EVA1C: variants seen among roughly 807,000 people sequenced by gnomAD.
The protein encoded by EVA1C is protein eva-1 homolog C.
A neutral mutation model predicts 45.4 loss-of-function variants in EVA1C; 25 were observed. The observed-to-expected ratio is 0.55, with a 90% CI of 0.40 to 0.77. The LOEUF is 0.77. EVA1C is among the 30% of genes least tolerant of loss of function. The pLI, the probability that EVA1C is intolerant of heterozygous loss-of-function variation, is 0.00. For synonymous variants in EVA1C, 190 were observed against 221.2 expected (o/e 0.86, Z 1.25); for missense variants, 479 against 554.8 (o/e 0.86, Z 1.37).
intron 1 of EVA1C, among the ~76,000 whole-genome samples, chr21:32,419,590 C>T (rs952681072): frequency 1.3e-5 from 2 of 152,188 alleles, no homozygotes; most frequent in African/African-American, 4.8e-5. Flanking sequence ...TGGCATGCTC[C>T]TGTAATCCCA....
intron 3 of EVA1C, among the ~76,000 whole-genome samples, chr21:32,464,330 T>G (rs893085002): frequency 7.9e-5 from 12 of 152,282 alleles, no homozygotes; most frequent in Admixed American, 2.6e-4. Flanking sequence ...ATCTGTAGGC[T>G]GGCTTCTGCT....
chr21:32,476,231 C>G (rs970597634), intron 4 of EVA1C, among the ~76,000 whole-genome samples: 2 of 151,786 alleles, frequency 1.3e-5, no homozygotes, highest in Non-Finnish European at 2.9e-5. Context: ...GCTTTTTCTG[C>G]TGTAATTATC....
Position 32,514,843 on chromosome 21 carries a change from G to T in EVA1C, c.979G>T (p.Val327Leu). 1 of 1,591,106 alleles carries T rather than the reference G, an allele frequency of 6.3e-7. No individual in the cohort carries two copies. The highest frequency in any genetic ancestry group is 8.6e-7 in the Non-Finnish European group (1 of 1,166,588). ...CCCGGAGAGAGCTGCCCTGCTGTTC[G>T]TGTCCAGTGTCTGCATCGGCCTGGC... Reference protein sequence around the residue: ...AHPERAALLFVSSVCIGLALT... With the variant: ...AHPERAALLFLSSVCIGLALT... Residue 327 changes from valine to leucine, a missense_variant, in exon 8 of 8, where the codon GTG (valine) becomes TTG (leucine). This residue lies in a region of EVA1C where 366 missense variants were observed against 426.1 expected (regional missense o/e 0.86). Transcript: ENST00000300255.
rs199652494 is a variant in EVA1C at position 32,419,198 on chromosome 21, TA to T, written c.160+6192del. Among the ~76,000 whole-genome samples, 1,013 of 152,260 alleles carry T rather than the reference TA, an allele frequency of 6.7e-3. 10 individuals carry two copies. The highest frequency in any genetic ancestry group is 0.023 in the African/African-American group (961 of 41,542). ...TTGTTGCGTAGATGAGTTCATGAGTTAAAAAAATTTGGAGGTCACTGATCTT... is the reference window on the plus strand; with the variant it reads ...TTGTTGCGTAGATGAGTTCATGAGTTAAAAAATTTGGAGGTCACTGATCTT... On this transcript the variant is annotated intron_variant, in intron 1 of 7. Coordinates refer to ENST00000300255, the MANE Select transcript of EVA1C (RefSeq NM_058187.5).
chr21:32,422,111 G>A (rs1481077614), intron 1 of EVA1C, among the ~76,000 whole-genome samples: 2 of 149,334 alleles, frequency 1.3e-5, no homozygotes, highest in African/African-American at 2.5e-5. Flanking sequence ...ACATGAGAAA[G>A]GAACAAAAGG....
At chr21:32,479,354 C>T (rs562054244) in intron 4 of EVA1C, among the ~76,000 whole-genome samples, 75 of 152,172 alleles carry the variant, frequency 4.9e-4, no homozygotes, top group African/African-American at 1.8e-3. Context: ...ACCTGGGAGG[C>T]GGAGATTGCA....
At chr21:32,429,911 C>CT (rs895519785) in intron 1 of EVA1C, among the ~76,000 whole-genome samples, 56 of 151,896 alleles carry the variant, frequency 3.7e-4, no homozygotes, top group African/African-American at 1.3e-3. Flanking sequence ...TTTATGTTCT[C>CT]TTTTTTTTGC....
At chr21:32,485,585 A>G (rs955283372) in intron 4 of EVA1C, among the ~76,000 whole-genome samples, 6 of 152,148 alleles carry the variant, frequency 3.9e-5, no homozygotes, top group African/African-American at 1.4e-4. Flanking sequence ...CGGCTCCTCA[A>G]GCAGACTCAG....
intron 7 of EVA1C, among the ~76,000 whole-genome samples, chr21:32,511,208 G>T (rs1409196908): frequency 6.6e-6 from 1 of 152,090 alleles, no homozygotes; most frequent in Non-Finnish European, 1.5e-5. Context: ...CTGAGGTCAG[G>T]AGTTCAAGAC....
At chr21:32,421,607 T>C (rs1411842024) in intron 1 of EVA1C, among the ~76,000 whole-genome samples, 1 of 152,220 alleles carries the variant, frequency 6.6e-6, no homozygotes, top group African/African-American at 2.4e-5. Context: ...AACACACAGA[T>C]ACTGCCTTCA....
At chr21:32,500,190 A>ATT (rs538897939) in intron 5 of EVA1C, among the ~76,000 whole-genome samples, 6,947 of 90,918 alleles carry the variant, frequency 0.076, 675 homozygotes, top group East Asian at 0.11. Flanking sequence ...TAACCACCCT[A>ATT]TTTTTTTTTT....
Position 32,457,617 on chromosome 21 carries a change from G to A in EVA1C, c.378G>A (p.Gln126=). The change falls in exon 3 of 8, where the codon CAG becomes CAA. Residue 126 remains glutamine (Q), a synonymous_variant. Coordinates refer to ENST00000300255, the MANE Select transcript of EVA1C (RefSeq NM_058187.5). Reference sequence around the variant, plus strand: ...TCTAGAAGGTGCTGGACGAATGCCAGAACCAGCGGGCCTGCCACCTCCTGG... The same window carrying A: ...TCTAGAAGGTGCTGGACGAATGCCAAAACCAGCGGGCCTGCCACCTCCTGG... ...TTFQKVLDEC[Q]NQRACHLLVN... is the part of the protein sequence containing the mutation. The A allele has an allele frequency of 6.2e-7, 1 of 1,614,184 alleles. No individual in the cohort carries two copies.
At chr21:32,456,806 C>T (rs921254221) in intron 2 of EVA1C, among the ~76,000 whole-genome samples, 6 of 152,134 alleles carry the variant, frequency 3.9e-5, no homozygotes, top group Non-Finnish European at 8.8e-5. Flanking sequence ...ACCTAGAGAA[C>T]AGCAGCAAAA....
intron 1 of EVA1C, among the ~76,000 whole-genome samples, chr21:32,443,018 G>GAGGGAAGGAAGGAGGA (rs2035236555): frequency 7.4e-6 from 1 of 135,148 alleles, no homozygotes; most frequent in South Asian, 2.8e-4. Context: ...GGGAGGGAGG[G>GAGGGAAGGAAGGAGGA]AGGGAAGGAA....
intron 6 of EVA1C, 62 bp downstream of exon 6, chr21:32,501,557 A>G: frequency 1.3e-6 from 2 of 1,579,906 alleles, no homozygotes; most frequent in East Asian, 2.2e-5. Flanking sequence ...CCCCTGGGTG[A>G]CCACAGTTGG....
intron 4 of EVA1C, among the ~76,000 whole-genome samples, chr21:32,483,920 T>C (rs988257607): frequency 1.5e-4 from 23 of 152,052 alleles, no homozygotes; most frequent in Admixed American, 1.5e-3. Flanking sequence ...TTCATGAATA[T>C]ATTCAAATCA....
intron 1 of EVA1C, among the ~76,000 whole-genome samples, chr21:32,417,260 A>C (rs1408987837): frequency 6.6e-6 from 1 of 152,250 alleles, no homozygotes; most frequent in East Asian, 1.9e-4. Flanking sequence ...TACACAAGGA[A>C]CATTTATTTT....
At chr21:32,467,484 G>T (rs1411560023) in intron 3 of EVA1C, among the ~76,000 whole-genome samples, 2 of 152,122 alleles carry the variant, frequency 1.3e-5, no homozygotes, top group Admixed American at 6.5e-5. Context: ...AATTCCCAGG[G>T]TCTTTGCGCT....
chr21:32,488,420 A>T (rs1223748905), intron 4 of EVA1C, among the ~76,000 whole-genome samples: 2 of 152,132 alleles, frequency 1.3e-5, no homozygotes, highest in East Asian at 3.9e-4. Flanking sequence ...TCCCACCAAT[A>T]GTGCAGATGG....
Sources: gnomAD v4.1 joint callset for allele counts (sites outside exome capture counted in the v4.1 genomes callset) on GRCh38, gnomAD v4.1.1 for gene constraint, gnomAD v4.1.1 regional missense constraint, MANE v1.5 for transcripts, NCBI Gene and HGNC (gene_info 2026-07-23, HGNC 2026-07-21) for gene names.